KCND3: variants seen among roughly 807,000 people sequenced by gnomAD.
KCND3 encodes potassium voltage-gated channel subfamily D member 3.
In KCND3, 9 loss-of-function variants were observed where a neutral mutation model predicts 51.1. The ratio of observed to expected loss-of-function variants is 0.18; its 90% CI spans 0.11 to 0.31. The LOEUF (loss-of-function observed/expected upper bound fraction) is 0.31, where lower values mean the gene tolerates loss of function less well. Among genes scored for constraint, KCND3 ranks in the 10% least tolerant of loss-of-function variants. The pLI, the probability that KCND3 is intolerant of heterozygous loss-of-function variation, is 1.00. For missense variants in KCND3, 526 were observed against 903.8 expected (o/e 0.58, Z 5.36); for synonymous variants, 349 against 368.0 (o/e 0.95, Z 0.59).
intron 2 of KCND3, among the ~76,000 whole-genome samples, chr1:111,890,128 AG>A (rs764449595): frequency 4.5e-4 from 68 of 152,202 alleles, no homozygotes; most frequent in Non-Finnish European, 9.0e-4. Context: ...GAGGAATTGT[AG>A]GGTCCTGGGC....
intron 2 of KCND3, among the ~76,000 whole-genome samples, chr1:111,898,241 C>G (rs1485586241): frequency 6.6e-6 from 1 of 152,148 alleles, no homozygotes; most frequent in Non-Finnish European, 1.5e-5. Context: ...CTTAGCCTTT[C>G]TTTACCATGA....
intron 2 of KCND3, among the ~76,000 whole-genome samples, chr1:111,958,942 A>G (rs1673486247): frequency 6.6e-6 from 1 of 152,166 alleles, no homozygotes; most frequent in Non-Finnish European, 1.5e-5. Context: ...CTCTGCCATT[A>G]TGCATCTTGC....
intron 2 of KCND3, among the ~76,000 whole-genome samples, chr1:111,942,053 T>C (rs1315725755): frequency 1.3e-5 from 2 of 152,010 alleles, no homozygotes; most frequent in Admixed American, 1.3e-4. Flanking sequence ...AAGAGAAAAA[T>C]ACCTCTGCCC....
Position 111,780,831 on chromosome 1 carries a change from T to G in KCND3, c.1270-40A>C. 1 of 1,542,070 alleles carries G rather than the reference T, an allele frequency of 6.5e-7. No homozygotes were observed. The highest frequency in any genetic ancestry group is 8.9e-7 in the Non-Finnish European group (1 of 1,124,686). ...GATAATAAAAGAATGAGGCAGACCATGATACAAAAAGACAGCAAGGCTGGT... is the reference window on the plus strand; with the variant it reads ...GATAATAAAAGAATGAGGCAGACCAGGATACAAAAAGACAGCAAGGCTGGT... On this transcript the variant is annotated intron_variant, in intron 3 of 7. Transcript: ENST00000302127. The surrounding 1 kb of genome is among the most constrained non-coding windows in gnomAD (Gnocchi z 4.2).
In KCND3 at chr1:111,898,248, A is replaced by G. The variant is rs6678751; in HGVS notation, c.1106+83373T>C. The stretch of plus-strand genomic sequence containing the variant: ...GCTCTTACCTTAGCCTTTCTTTACC[A>G]TGATTCTACCTCTGGGTGGGAAACA... On this transcript the variant is annotated intron_variant, in intron 2 of 7. Coordinates refer to ENST00000302127, the MANE Select transcript of KCND3 (RefSeq NM_001378969.1). 3.8e-3 allele frequency among the ~76,000 whole-genome samples: 573 copies of G among 152,206 alleles called. 4 individuals carry two copies. The highest frequency in any genetic ancestry group is 0.013 in the African/African-American group (535 of 41,500).
At chr1:111,974,029 A>C (rs1198436825) in intron 2 of KCND3, among the ~76,000 whole-genome samples, 1 of 152,218 alleles carries the variant, frequency 6.6e-6, no homozygotes, top group Non-Finnish European at 1.5e-5. Flanking sequence ...CATGAGCTAA[A>C]TGCAATCTTC....
intron 2 of KCND3, among the ~76,000 whole-genome samples, chr1:111,833,765 A>G (rs1666953387): frequency 6.6e-6 from 1 of 152,202 alleles, no homozygotes; most frequent in Admixed American, 6.5e-5. Flanking sequence ...TAGATAGCTG[A>G]GAAATAGTGT....
chr1:111,888,987 TTG>T (rs1025125461), intron 2 of KCND3, among the ~76,000 whole-genome samples: 47 of 152,110 alleles, frequency 3.1e-4, no homozygotes, highest in African/African-American at 1.1e-3. Context: ...TTTTCTCTGG[TTG>T]TGTGTGCGAG....
At chr1:111,967,795 A>C (rs1449541742) in intron 2 of KCND3, among the ~76,000 whole-genome samples, 1 of 152,210 alleles carries the variant, frequency 6.6e-6, no homozygotes, top group Non-Finnish European at 1.5e-5. Context: ...AATTCATTCA[A>C]TCCAACCCCC....
chr1:111,966,602 G>A (rs1674003470), intron 2 of KCND3, among the ~76,000 whole-genome samples: 2 of 152,156 alleles, frequency 1.3e-5, no homozygotes, highest in Admixed American at 1.3e-4. Flanking sequence ...CTCTTCCAGG[G>A]CTGGGCCTGG....
At chr1:111,781,991 A>G (rs773615542) in intron 3 of KCND3, among the ~76,000 whole-genome samples, 3 of 152,188 alleles carry the variant, frequency 2.0e-5, no homozygotes, top group Admixed American at 6.5e-5. Flanking sequence ...TTACAGCCCC[A>G]GGTGCTTGCT....
intron 2 of KCND3, among the ~76,000 whole-genome samples, chr1:111,900,310 C>G (rs1287594965): frequency 1.3e-5 from 2 of 152,184 alleles, no homozygotes; most frequent in Non-Finnish European, 2.9e-5. Context: ...TTCCCCGGAC[C>G]TGCCTTCCAA....
intron 2 of KCND3, among the ~76,000 whole-genome samples, chr1:111,927,302 ACT>A (rs1467669526): frequency 7.9e-5 from 12 of 152,022 alleles, no homozygotes; most frequent in Non-Finnish European, 1.5e-4. Context: ...AAGCCTGCAG[ACT>A]CTGTTCTCAC....
rs1485748424 is a variant in KCND3, at chr1:111,773,327, C to G, written c.*2750G>C. On this transcript the variant is annotated 3_prime_UTR_variant, in exon 8 of 8. Transcript: ENST00000302127. ...AACAGATCCTTTGTTGAATCTGTCA[C>G]TATTCTAACCCTGTAATGATCTGTT... 1 of 152,000 alleles carries G rather than the reference C, an allele frequency of 6.6e-6. No homozygotes were observed. The highest frequency in any genetic ancestry group is 1.5e-5 in the Non-Finnish European group (1 of 68,016). The allele number at this position is 152,000 out of a possible 1,614,324, so 9.4% of individuals were successfully genotyped here. A position where few individuals can be genotyped will look rare whatever the true frequency, so the allele number is the denominator to read the frequency against.
chr1:111,820,833 G>T (rs1041541713), intron 2 of KCND3, among the ~76,000 whole-genome samples: 13 of 152,150 alleles, frequency 8.5e-5, no homozygotes, highest in Non-Finnish European at 1.9e-4. Flanking sequence ...ACACAGGGGG[G>T]TGACGGCCAT....
chr1:111,788,682 C>T lies in KCND3; in HGVS notation c.1107-1576G>A, dbSNP rs114315817. Among the ~76,000 whole-genome samples the T allele has an allele frequency of 4.8e-3, 727 of 152,298 alleles. 7 individuals are homozygous for T. The highest frequency in any genetic ancestry group is 0.016 in the African/African-American group (656 of 41,570). ...TAGATCTTTGCAGCTAGGGTTGTCTCCTCTGCCGTGGTACTCAGGAGAGGC... is the reference window on the plus strand; with the variant it reads ...TAGATCTTTGCAGCTAGGGTTGTCTTCTCTGCCGTGGTACTCAGGAGAGGC... On this transcript the variant is annotated intron_variant, in intron 2 of 7. Coordinates refer to ENST00000302127, the MANE Select transcript of KCND3 (RefSeq NM_001378969.1).
chr1:111,901,446 A>T (rs1670377245), intron 2 of KCND3, among the ~76,000 whole-genome samples: 1 of 152,200 alleles, frequency 6.6e-6, no homozygotes, highest in African/African-American at 2.4e-5. Context: ...CCTGCATTCT[A>T]AGGGCCGGGG....
chr1:111,838,702 A>T (rs780802930), intron 2 of KCND3, among the ~76,000 whole-genome samples: 3 of 151,800 alleles, frequency 2.0e-5, no homozygotes, highest in Non-Finnish European at 2.9e-5. Flanking sequence ...AACAACAACA[A>T]CATCAACAAA....
At chr1:111,815,253 T>A (rs1666033909) in intron 2 of KCND3, among the ~76,000 whole-genome samples, 1 of 152,148 alleles carries the variant, frequency 6.6e-6, no homozygotes, top group African/African-American at 2.4e-5. Context: ...GTAAGTTTCA[T>A]TGCAATTAGC....
Sources: allele counts gnomAD v4.1 joint callset (sites outside exome capture counted in the v4.1 genomes callset), GRCh38; gene constraint gnomAD v4.1.1; non-coding constraint Gnocchi (gnomAD v3.1); transcripts MANE v1.5; gene names NCBI Gene and HGNC (gene_info 2026-07-23, HGNC 2026-07-21).